The following LMBRD2 variants were observed in gnomAD, a reference collection of about 807,000 sequenced individuals.
LMBRD2 encodes the protein G protein-coupled receptor-associated protein LMBRD2.
In LMBRD2, 55 loss-of-function variants were observed where a neutral mutation model predicts 94.4. That is an observed-to-expected ratio of 0.58 (90% CI 0.47 to 0.73). The LOEUF (loss-of-function observed/expected upper bound fraction) is 0.73. Among genes scored for constraint, LMBRD2 ranks in the 30% least tolerant of loss-of-function variants. LMBRD2 has a pLI of 0.00. For synonymous variants in LMBRD2, 246 were observed against 272.4 expected, an observed-to-expected ratio of 0.90 and a Z score of 0.95; for missense variants, 640 against 831.9, an observed-to-expected ratio of 0.77 and a Z score of 2.84.
intron 1 of LMBRD2, among the ~76,000 whole-genome samples, chr5:36,146,360 A>C (rs1300211099): frequency 6.6e-6 from 1 of 152,168 alleles, no homozygotes; most frequent in Non-Finnish European, 1.5e-5. Context: ...TCTCTGAAGA[A>C]GAATCCATTT....
At chr5:36,106,028 C>A (rs1354781345) in intron 16 of LMBRD2, among the ~76,000 whole-genome samples, 1 of 152,100 alleles carries the variant, frequency 6.6e-6, no homozygotes, top group Non-Finnish European at 1.5e-5. Flanking sequence ...AAATGCAAAT[C>A]TCTTCATCTT....
chr5:36,106,209 T>C (rs1247638410), intron 16 of LMBRD2, among the ~76,000 whole-genome samples: 2 of 152,144 alleles, frequency 1.3e-5, no homozygotes, highest in Admixed American at 1.3e-4. Context: ...CCAAATCCCT[T>C]TACAGAATCC....
At chr5:36,148,918 T>C (rs1744619539) in intron 1 of LMBRD2, among the ~76,000 whole-genome samples, 1 of 152,338 alleles carries the variant, frequency 6.6e-6, no homozygotes, top group African/African-American at 2.4e-5. Flanking sequence ...ACAGAATGCT[T>C]AGTCATGTTT....
chr5:36,117,372 G>A (rs1219079900), intron 10 of LMBRD2, among the ~76,000 whole-genome samples: 3 of 152,002 alleles, frequency 2.0e-5, no homozygotes, highest in Admixed American at 6.6e-5. Context: ...CAGCTACTTG[G>A]GAGGCTAAGG....
At chr5:36,132,448 A>G (rs1375425648) in intron 6 of LMBRD2, among the ~76,000 whole-genome samples, 1 of 152,078 alleles carries the variant, frequency 6.6e-6, no homozygotes, top group African/African-American at 2.4e-5. Flanking sequence ...TCTAAGCAAA[A>G]GTGAACAAAT....
In LMBRD2 at chr5:36,099,775, A is replaced by G. The variant is rs1743309528; in HGVS notation, c.*4271T>C. On this transcript the variant is annotated 3_prime_UTR_variant, in exon 18 of 18. Transcript: ENST00000296603. ...TTCCCAAGGAGTGTGTAAAAAATAA[A>G]TGTCTTTTAGGATATTGATGAGAAG... The G allele has an allele frequency of 6.6e-6, 1 of 152,130 alleles. No individual in the cohort carries two copies. The highest frequency in any genetic ancestry group is 2.4e-5 in the African/African-American group (1 of 41,432). The allele number at this position is 152,130 out of a possible 1,614,324, so 9.4% of individuals were successfully genotyped here.
chr5:36,137,175 C>T, intron 5 of LMBRD2, 99 bp downstream of exon 5: 1 of 717,010 alleles, frequency 1.4e-6, no homozygotes, highest in Non-Finnish European at 2.2e-6. Context: ...ATATATTTCT[C>T]AATGAAATGT....
chr5:36,150,112 C>CA (rs529677353), intron 1 of LMBRD2, among the ~76,000 whole-genome samples: 139 of 150,510 alleles, frequency 9.2e-4, no homozygotes, highest in Admixed American at 1.6e-3. Context: ...AGAAGGAAGG[C>CA]AAAAAAAAAT....
intron 4 of LMBRD2, among the ~76,000 whole-genome samples, chr5:36,138,284 G>C (rs1319326472): frequency 6.6e-6 from 1 of 152,186 alleles, no homozygotes; most frequent in Non-Finnish European, 1.5e-5. Flanking sequence ...TGAGCAAGTG[G>C]AGATATCAAA....
At chr5:36,115,164 CA>C (rs1743710720) in intron 11 of LMBRD2, 44 bp from the exon 12 acceptor site, 1 of 1,194,020 alleles carries the variant, frequency 8.4e-7, no homozygotes, top group Non-Finnish European at 1.2e-6. Flanking sequence ...AGTAAAGCAG[CA>C]AAATACATTT....
In LMBRD2 at chr5:36,102,615, T is replaced by C. The variant is rs1458537478; in HGVS notation, c.*1431A>G. On this transcript the variant is annotated 3_prime_UTR_variant, in exon 18 of 18. Coordinates refer to ENST00000296603, the MANE Select transcript of LMBRD2 (RefSeq NM_001007527.2). ...TAATGAGGATGATGCTCTATTCCTT[T>C]CAATATCTGCATAGAGCTGTGTTTT... 6.6e-6 allele frequency: 1 copy of C among 151,712 alleles called. No individual in the cohort carries two copies. The highest frequency in any genetic ancestry group is 6.6e-5 in the Admixed American group (1 of 15,210). 9.4% of individuals were successfully genotyped at this position (151,712 alleles called of 1,614,324 possible). A position where few individuals can be genotyped will look rare whatever the true frequency, so the allele number is the denominator to read the frequency against.
intron 6 of LMBRD2, among the ~76,000 whole-genome samples, chr5:36,133,692 A>G (rs1373345649): frequency 6.6e-6 from 1 of 152,132 alleles, no homozygotes; most frequent in East Asian, 1.9e-4. Flanking sequence ...TCCATTTTTA[A>G]AGAGCAGTTT....
rs1743687284 is a variant in LMBRD2, at chr5:36,114,303, A to C, written c.1640+121T>G. On this transcript the variant is annotated intron_variant, in intron 13 of 17. Transcript: ENST00000296603. ...CAAGTAGTCCCTTCAAACTATCCCC[A>C]GCTTCTCCAAAGCTACAATGAAACA... is the stretch of plus-strand genomic sequence containing the variant. 9 of 1,240,472 alleles carry C rather than the reference A, an allele frequency of 7.3e-6. No individual in the cohort carries two copies. In the East Asian group the frequency reaches 2.8e-4, roughly 39 times the overall value. 76.8% of individuals were successfully genotyped at this position (1,240,472 alleles called of 1,614,324 possible).
chr5:36,138,211 C>A (rs148229231), intron 4 of LMBRD2, among the ~76,000 whole-genome samples: 3 of 152,144 alleles, frequency 2.0e-5, no homozygotes, highest in Admixed American at 6.5e-5. Context: ...AAATTAAGAA[C>A]CTGTATGTAT....
At chr5:36,150,975 T>G (rs1028947767) in intron 1 of LMBRD2, among the ~76,000 whole-genome samples, 1 of 152,264 alleles carries the variant, frequency 6.6e-6, no homozygotes, top group Non-Finnish European at 1.5e-5. Context: ...ATGAACTTTA[T>G]AAATCTTCAT....
In LMBRD2 at chr5:36,122,882, G is replaced by C. The variant is rs773895448; in HGVS notation, c.902C>G (p.Pro301Arg). The part of the protein sequence containing the change: ...EDFDEKHSIY[P>R]SEKSLVKLHK... ...CAGTTTTACCAGACTTTTTTCACTT[G>C]GATAGATACTATGCTTTTCATCAAA... The change falls in exon 8 of 18, where the codon CCA becomes CGA. Residue 301 changes from proline to arginine, a missense_variant. Physicochemically the swap from Pro to Arg is moderately radical, Grantham distance 103. Around this residue, in one of 2 missense-constraint regions of LMBRD2, gnomAD observed 457 missense variants for 642.8 expected, o/e 0.71. Transcript: ENST00000296603. The C allele has an allele frequency of 1.3e-6, 2 of 1,590,736 alleles. No homozygotes were observed. Among genetic ancestry groups the C allele is most frequent in the Non-Finnish European group, 1.7e-6 (2 of 1,173,030 alleles).
chr5:36,114,986 A>T, intron 12 of LMBRD2, 29 bp downstream of exon 12: 1 of 1,388,156 alleles, frequency 7.2e-7, no homozygotes, highest in South Asian at 1.2e-5. Flanking sequence ...TAGTGAACCT[A>T]AGGAATTCTA....
chr5:36,115,815 G>A (rs1238798791), intron 11 of LMBRD2, among the ~76,000 whole-genome samples: 1 of 152,006 alleles, frequency 6.6e-6, no homozygotes, highest in Non-Finnish European at 1.5e-5. Flanking sequence ...CTCATTTCCT[G>A]GTTTTGATAT....
chr5:36,114,639 G>T (rs1181077596), intron 12 of LMBRD2, 118 bp from the exon 13 acceptor site: 2 of 1,239,174 alleles, frequency 1.6e-6, no homozygotes, highest in Non-Finnish European at 2.1e-6. Flanking sequence ...TTTTTAAAAA[G>T]TAGAAAAAAA....
Sources: gnomAD v4.1 joint callset for allele counts (sites outside exome capture counted in the v4.1 genomes callset) on GRCh38, gnomAD v4.1.1 for gene constraint, gnomAD v4.1.1 regional missense constraint, MANE v1.5 for transcripts, NCBI Gene and HGNC (gene_info 2026-07-23, HGNC 2026-07-21) for gene names.